The following SERINC5 variants were observed in gnomAD, a reference collection of about 807,000 sequenced individuals.
SERINC5 encodes the protein serine incorporator 5.
Under a neutral mutation model 63.1 loss-of-function variants are expected in SERINC5, and 41 were observed. The ratio of observed to expected loss-of-function variants is 0.65; its 90% CI spans 0.51 to 0.84. SERINC5 has a LOEUF of 0.84. Among genes scored for constraint, SERINC5 ranks in the 40% least tolerant of loss-of-function variants. The pLI, the probability that SERINC5 is intolerant of heterozygous loss-of-function variation, is 0.00. For missense variants in SERINC5, 523 were observed against 573.0 expected, an observed-to-expected ratio of 0.91 and a Z score of 0.89; for synonymous variants, 222 against 215.2, an observed-to-expected ratio of 1.03 and a Z score of -0.28.
intron 2 of SERINC5, among the ~76,000 whole-genome samples, chr5:80,180,813 T>C (rs1748371052): frequency 6.6e-6 from 1 of 152,218 alleles, no homozygotes; most frequent in African/African-American, 2.4e-5. Flanking sequence ...TGTCCTGTCT[T>C]TGTTCTGCAC....
rs1201260319 is a variant in SERINC5 at position 80,210,465 on chromosome 5, T to C, written c.28-7412A>G. On this transcript the variant is annotated intron_variant, in intron 1 of 11. Coordinates refer to ENST00000507668, the MANE Select transcript of SERINC5 (RefSeq NM_001174072.3). ...TGGGCACAGATGGTCCTTCCAAGGA[T>C]TGATCTAGGTGTGTGAGGAAATGCT... is the stretch of plus-strand genomic sequence containing the variant. 2.6e-5 allele frequency among the ~76,000 whole-genome samples: 4 copies of C among 152,192 alleles called. No individual in the cohort carries two copies. In the South Asian group the frequency reaches 6.2e-4, roughly 24 times the overall value.
chr5:80,180,966 G>C (rs1288685188), intron 2 of SERINC5, among the ~76,000 whole-genome samples: 1 of 152,132 alleles, frequency 6.6e-6, no homozygotes, highest in Non-Finnish European at 1.5e-5. Flanking sequence ...CATCTTGAAA[G>C]GTTTAGGGAC....
intron 1 of SERINC5, among the ~76,000 whole-genome samples, chr5:80,225,866 C>T (rs532184986): frequency 6.6e-6 from 1 of 152,280 alleles, no homozygotes; most frequent in Admixed American, 6.5e-5. Context: ...AGAATTATAT[C>T]CTGTGCTTCC....
At chr5:80,221,107 G>A (rs7711197) in intron 1 of SERINC5, among the ~76,000 whole-genome samples, 23,217 of 152,034 alleles carry the variant, frequency 0.15, 2,222 homozygotes, top group African/African-American at 0.27. Flanking sequence ...ACTCCAAAGG[G>A]GGCTCATGAA....
At chr5:80,125,560 A>T (rs1744715952) in intron 11 of SERINC5, among the ~76,000 whole-genome samples, 1 of 152,202 alleles carries the variant, frequency 6.6e-6, no homozygotes, top group Non-Finnish European at 1.5e-5. Context: ...CAGAGACTAG[A>T]TATGAAGGAA....
In SERINC5 at chr5:80,255,936, G is replaced by A; in HGVS notation, c.-14C>T. 2.6e-6 allele frequency: 4 copies of A among 1,544,964 alleles called. No homozygotes were observed. The highest frequency in any genetic ancestry group is 2.4e-5 in the South Asian group (2 of 84,708). The stretch of plus-strand genomic sequence containing the variant: ...CTGAGCTGACATCGCGGCGGCCAAT[G>A]CCGAAGGCGCGCTCGCTGGCTCCCC... On this transcript the variant is annotated 5_prime_UTR_variant, in exon 1 of 12. Transcript: ENST00000507668.
intron 5 of SERINC5, among the ~76,000 whole-genome samples, chr5:80,170,089 C>A (rs921370971): frequency 1.3e-5 from 2 of 152,152 alleles, no homozygotes; most frequent in African/African-American, 4.8e-5. Context: ...CCCTGCTATA[C>A]AAGAGATATG....
At chr5:80,151,544 G>A (rs925921491) in intron 8 of SERINC5, among the ~76,000 whole-genome samples, 1 of 151,358 alleles carries the variant, frequency 6.6e-6, no homozygotes, top group Non-Finnish European at 1.5e-5. Flanking sequence ...AAACAGGCCA[G>A]AAGTGGTGGC....
chr5:80,248,859 T>C (rs1752272162), intron 1 of SERINC5, among the ~76,000 whole-genome samples: 1 of 152,200 alleles, frequency 6.6e-6, no homozygotes, highest in Admixed American at 6.5e-5. Context: ...AAAGAAAATG[T>C]TGAAAATGAC....
In SERINC5 at chr5:80,113,899, C is replaced by CT. The variant is rs923051887; in HGVS notation, c.1239-275_1239-274insA. ...CCCATAACCTCTGCCATGCTGTGTG[C>CT]CCCCCCACCCATGCCTGTGGGCGAG... is the stretch of plus-strand genomic sequence containing the variant. On this transcript the variant is annotated intron_variant, in intron 11 of 12. Transcript: ENST00000509193. Among the ~76,000 whole-genome samples, 15 of 151,794 alleles carry CT rather than the reference C, an allele frequency of 9.9e-5. 1 individual carries two copies. The highest frequency in any genetic ancestry group is 4.4e-5 in the Non-Finnish European group (3 of 67,988).
At chr5:80,152,484 C>T (rs988500779) in intron 8 of SERINC5, among the ~76,000 whole-genome samples, 6 of 144,058 alleles carry the variant, frequency 4.2e-5, no homozygotes, top group African/African-American at 1.4e-4. Flanking sequence ...ACAGAAGGAC[C>T]CTGTCTCAAA....
intron 7 of SERINC5, among the ~76,000 whole-genome samples, chr5:80,164,265 TTTTG>T (rs992888815): frequency 3.9e-4 from 60 of 152,070 alleles, no homozygotes; most frequent in Non-Finnish European, 4.9e-4. Flanking sequence ...GGCTTATCAA[TTTTG>T]TTTATCTTTT....
chr5:80,160,027 GGTAACTGTGGGA>G (rs1411604558), intron 7 of SERINC5, among the ~76,000 whole-genome samples: 8 of 152,168 alleles, frequency 5.3e-5, no homozygotes, highest in African/African-American at 1.9e-4. Context: ...CCAAAGAAGG[GGTAACTGTGGGA>G]GCCCTAACAG....
At chr5:80,248,583 G>C (rs1033249114) in intron 1 of SERINC5, among the ~76,000 whole-genome samples, 9 of 152,220 alleles carry the variant, frequency 5.9e-5, no homozygotes, top group African/African-American at 2.2e-4. Context: ...TGCAAGTAAA[G>C]GGGTACTACC....
At chr5:80,234,292 T>C (rs1751588847) in intron 1 of SERINC5, among the ~76,000 whole-genome samples, 1 of 152,194 alleles carries the variant, frequency 6.6e-6, no homozygotes, top group Non-Finnish European at 1.5e-5. Context: ...CTTAGCACCA[T>C]TGTTTTAGGA....
At chr5:80,240,013 C>T (rs1040370635) in intron 1 of SERINC5, among the ~76,000 whole-genome samples, 1 of 152,180 alleles carries the variant, frequency 6.6e-6, no homozygotes, top group Non-Finnish European at 1.5e-5. Flanking sequence ...CTCTGCAAGT[C>T]CAAGGCTTCT....
At chr5:80,234,413 T>C (rs1008059550) in intron 1 of SERINC5, among the ~76,000 whole-genome samples, 3 of 152,150 alleles carry the variant, frequency 2.0e-5, no homozygotes, top group African/African-American at 7.2e-5. Flanking sequence ...ACACCACATA[T>C]TCATACCAGT....
intron 1 of SERINC5, among the ~76,000 whole-genome samples, chr5:80,206,473 T>A (rs1580168319): frequency 6.6e-6 from 1 of 152,192 alleles, no homozygotes; most frequent in East Asian, 1.9e-4. Context: ...ACTCTCTCCA[T>A]CTTACGTCCG....
rs567721652 is a variant in SERINC5, at chr5:80,190,872, C to T, written c.195+12014G>A. Among the ~76,000 whole-genome samples, 7 of 152,250 alleles carry T rather than the reference C, an allele frequency of 4.6e-5. No individual in the cohort carries two copies. The South Asian group carries it at 1.5e-3, about 32-fold the overall frequency. On this transcript the variant is annotated intron_variant, in intron 2 of 11. Transcript: ENST00000507668. ...GCCCCAGCATCTTTCTTATATCAGA[C>T]CTGGAATTGAATGATGGTGCCCAGC...
Sources: allele counts gnomAD v4.1 joint callset (sites outside exome capture counted in the v4.1 genomes callset), GRCh38; gene constraint gnomAD v4.1.1; transcripts MANE v1.5; gene names NCBI Gene and HGNC (gene_info 2026-07-23, HGNC 2026-07-21).